Variants in ARHGAP21 observed in about 807,000 individuals in gnomAD.
ARHGAP21 encodes rho GTPase-activating protein 21.
Under a neutral mutation model 164.6 loss-of-function variants are expected in ARHGAP21, and 38 were observed. That is an observed-to-expected ratio of 0.23 (90% CI 0.18 to 0.30). The LOEUF is 0.30. Among genes scored for constraint, ARHGAP21 ranks in the 10% least tolerant of loss-of-function variants. The probability of loss-of-function intolerance (pLI) is 1.00; values close to 1 mark genes in which losing one functional copy is unlikely to be tolerated. For missense variants in ARHGAP21, 1,822 were observed against 2,370.7 expected (o/e 0.77, Z 4.81); for synonymous variants, 766 against 857.9 (o/e 0.89, Z 1.87).
chr10:24,633,470 A>G lies in ARHGAP21; in HGVS notation c.372T>C (p.Ile124=). The change falls in exon 6 of 26, where the codon ATT becomes ATC. Residue 124 remains isoleucine, a synonymous_variant. Transcript: ENST00000396432. The part of the protein sequence containing the change: ...FEAGLCTGDR[I]IKVNGESVIG... ...TAACACTTTCTCCATTGACTTTTAT[A>G]ATTCGGTCACCTTCAAAGAGAAGTT... 1 of 1,610,510 alleles carries G rather than the reference A, an allele frequency of 6.2e-7. No individual in the cohort carries two copies. Among genetic ancestry groups the G allele is most frequent in the South Asian group, 1.1e-5 (1 of 90,768 alleles).
chr10:24,644,338 T>G (rs771612322), intron 4 of ARHGAP21, among the ~76,000 whole-genome samples: 17 of 152,212 alleles, frequency 1.1e-4, no homozygotes, highest in Admixed American at 2.0e-4. Flanking sequence ...CCTTTGTTTT[T>G]CAAACTACTT....
intron 11 of ARHGAP21, among the ~76,000 whole-genome samples, chr10:24,606,381 A>G (rs2077025764): frequency 6.6e-6 from 1 of 152,176 alleles, no homozygotes. Flanking sequence ...AATATAAAAA[A>G]TCAGTTCACA....
chr10:24,698,836 C>T (rs189763855), intron 2 of ARHGAP21, among the ~76,000 whole-genome samples: 59 of 152,278 alleles, frequency 3.9e-4, no homozygotes, highest in African/African-American at 1.3e-3. Flanking sequence ...AATGATGCCA[C>T]TTTTTAGAAT....
At chr10:24,671,854 A>G (rs1275469664) in intron 2 of ARHGAP21, among the ~76,000 whole-genome samples, 1 of 146,104 alleles carries the variant, frequency 6.8e-6, no homozygotes, top group African/African-American at 2.5e-5. Flanking sequence ...TCCCAGGTAG[A>G]TGGGACTACA....
chr10:24,593,639 A>G (rs1261179898), intron 21 of ARHGAP21, among the ~76,000 whole-genome samples: 2 of 118,446 alleles, frequency 1.7e-5, no homozygotes, highest in Admixed American at 1.8e-4. Flanking sequence ...ATTCAGTGTA[A>G]TTAAAGACAC....
At chr10:24,635,639 C>G (rs1208713359) in intron 4 of ARHGAP21, among the ~76,000 whole-genome samples, 2 of 152,128 alleles carry the variant, frequency 1.3e-5, no homozygotes, top group African/African-American at 2.4e-5. Flanking sequence ...CTCCACATCC[C>G]GGGTTCGAGT....
At chr10:24,657,530 A>AG (rs1839190687) in intron 4 of ARHGAP21, among the ~76,000 whole-genome samples, 2 of 120,270 alleles carry the variant, frequency 1.7e-5, no homozygotes, top group African/African-American at 3.4e-5. Flanking sequence ...CTGCCCGGCC[A>AG]CCACCCCGTC....
chr10:24,597,384 C>T lies in ARHGAP21; in HGVS notation c.3334+63G>A, dbSNP rs1035358694. 44 of 1,561,494 alleles carry T rather than the reference C, an allele frequency of 2.8e-5. 1 individual carries two copies. The South Asian group carries it at 3.6e-4, about 13-fold the overall frequency. ...GTAGAAATGGTACAGAAAACATAAACGTACCTCAACGATGCCAATTTTAAA... is the reference window on the plus strand; with the variant it reads ...GTAGAAATGGTACAGAAAACATAAATGTACCTCAACGATGCCAATTTTAAA... On this transcript the variant is annotated intron_variant, in intron 16 of 25. Coordinates refer to ENST00000396432, the MANE Select transcript of ARHGAP21 (RefSeq NM_020824.4).
At chr10:24,680,189 ATT>A (rs1392998076) in intron 2 of ARHGAP21, among the ~76,000 whole-genome samples, 1 of 152,006 alleles carries the variant, frequency 6.6e-6, no homozygotes, top group Non-Finnish European at 1.5e-5. Context: ...ATGCTAGAAT[ATT>A]TTCTCTATGT....
At chr10:24,586,238 T>C in intron 25 of ARHGAP21, 132 bp from the exon 26 acceptor site, 2 of 1,211,900 alleles carry the variant, frequency 1.7e-6, no homozygotes, top group Non-Finnish European at 2.2e-6. Flanking sequence ...ACAGTGCAAT[T>C]AGCTTTTTTT....
intron 2 of ARHGAP21, among the ~76,000 whole-genome samples, chr10:24,673,689 T>C (rs1370099841): frequency 2.6e-5 from 4 of 151,618 alleles, no homozygotes; most frequent in East Asian, 2.0e-4. Context: ...TGGTGAAACC[T>C]CATCTCTACT....
At position 24,585,103 on chromosome 10, in the gene ARHGAP21, G is replaced by C; in HGVS notation, c.5186C>G (p.Ser1729Trp). 6.2e-7 allele frequency: 1 copy of C among 1,613,518 alleles called. No individual in the cohort carries two copies. The highest frequency in any genetic ancestry group is 1.1e-5 in the South Asian group (1 of 91,028). Residue 1729 changes from serine (S) to tryptophan (W), a missense_variant, in exon 26 of 26, where the codon TCG becomes TGG. Ser to Trp is a radical substitution (Grantham distance 177, BLOSUM62 -3). Coordinates refer to ENST00000396432, the MANE Select transcript of ARHGAP21 (RefSeq NM_020824.4). ...GDAKNEKEAP[S>W]LTKVFDVMKK... ...CATAACATCAAACACTTTAGTTAAC[G>C]AAGGTGCTTCTTTCTCATTCTTGGC... is the stretch of plus-strand genomic sequence containing the variant.
At chr10:24,698,423 C>T (rs566658677) in intron 2 of ARHGAP21, among the ~76,000 whole-genome samples, 1 of 152,210 alleles carries the variant, frequency 6.6e-6, no homozygotes, top group Admixed American at 6.5e-5. Flanking sequence ...CTCAAGCAAA[C>T]TGTTTTCCCC....
chr10:24,630,649 T>C lies in ARHGAP21; in HGVS notation c.441-599A>G, dbSNP rs556965454. ...TGGGACTACAGGGCATGTGCCACCA[T>C]ACCCAGCTAATTTTTCTATTTTTAG... On this transcript the variant is annotated intron_variant, in intron 6 of 25. Coordinates refer to ENST00000396432, the MANE Select transcript of ARHGAP21 (RefSeq NM_020824.4). 1.6e-4 allele frequency among the ~76,000 whole-genome samples: 24 copies of C among 152,154 alleles called. 1 individual carries two copies. In the East Asian group the frequency reaches 1.9e-3, roughly 12 times the overall value.
In ARHGAP21 at chr10:24,617,483, T is replaced by C. The variant is rs141658564; in HGVS notation, c.2422+1990A>G. 2.9e-4 allele frequency among the ~76,000 whole-genome samples: 44 copies of C among 152,296 alleles called. No individual in the cohort carries two copies. The East Asian group carries it at 7.7e-3, about 27-fold the overall frequency. On this transcript the variant is annotated intron_variant, in intron 9 of 25. Transcript: ENST00000396432. ...TATAAAATATCTATTCTAGATGATGTATAAGATTCCATCTACAACAGGAGT... is the reference window on the plus strand; with the variant it reads ...TATAAAATATCTATTCTAGATGATGCATAAGATTCCATCTACAACAGGAGT...
chr10:24,627,645 G>T (rs1265981704), intron 7 of ARHGAP21, among the ~76,000 whole-genome samples: 1 of 152,046 alleles, frequency 6.6e-6, no homozygotes, highest in Non-Finnish European at 1.5e-5. Context: ...GTTTTTCTCT[G>T]TCTCTGGGAT....
At chr10:24,654,265 C>T (rs149555517) in intron 4 of ARHGAP21, among the ~76,000 whole-genome samples, 2 of 152,134 alleles carry the variant, frequency 1.3e-5, no homozygotes, top group Non-Finnish European at 2.9e-5. Flanking sequence ...TAGTGTTGGA[C>T]GTTCTGGCCA....
chr10:24,711,602 T>C (rs144756287), intron 2 of ARHGAP21, among the ~76,000 whole-genome samples: 5 of 152,236 alleles, frequency 3.3e-5, no homozygotes, highest in African/African-American at 1.2e-4. Context: ...CAAAAAAAGA[T>C]AAGTGCAGCC....
chr10:24,723,325 C>T (rs1325105281), intron 1 of ARHGAP21: 1 of 150,256 alleles, frequency 6.7e-6, no homozygotes, highest in Non-Finnish European at 1.5e-5. Flanking sequence ...ACCCCAGCGC[C>T]CACCGCCGGC....
Sources: gnomAD v4.1 joint callset for allele counts (sites outside exome capture counted in the v4.1 genomes callset) on GRCh38, gnomAD v4.1.1 for gene constraint, MANE v1.5 for transcripts, NCBI Gene and HGNC (gene_info 2026-07-23, HGNC 2026-07-21) for gene names.